LPP: variants seen among roughly 807,000 people sequenced by gnomAD.
The protein encoded by LPP is lipoma-preferred partner.
A neutral mutation model predicts 60.4 loss-of-function variants in LPP; 38 were observed. The observed-to-expected ratio is 0.63, with a 90% CI of 0.49 to 0.83. LPP has a LOEUF of 0.83. Among genes scored for constraint, LPP ranks in the 40% least tolerant of loss-of-function variants. LPP has a pLI of 0.00. For synonymous variants in LPP, 328 were observed against 290.8 expected, an observed-to-expected ratio of 1.13 and a Z score of -1.30; for missense variants, 902 against 783.6, an observed-to-expected ratio of 1.15 and a Z score of -1.80.
intron 5 of LPP, among the ~76,000 whole-genome samples, chr3:188,514,477 C>A (rs899323796): frequency 6.6e-6 from 1 of 151,254 alleles, no homozygotes; most frequent in Non-Finnish European, 1.5e-5. Context: ...ACTCTTGTTG[C>A]CCAGGCTGGA....
At chr3:188,783,569 G>A (rs561898159) in intron 9 of LPP, among the ~76,000 whole-genome samples, 5 of 151,656 alleles carry the variant, frequency 3.3e-5, no homozygotes, top group African/African-American at 1.2e-4. Flanking sequence ...TGGAGGGGGA[G>A]AGGAGGGAGA....
intron 4 of LPP, among the ~76,000 whole-genome samples, chr3:188,439,604 T>TGG (rs1793268681): frequency 1.3e-5 from 2 of 152,314 alleles, no homozygotes; most frequent in East Asian, 3.9e-4. Context: ...AGTCTATACT[T>TGG]CTTTTATACC....
chr3:188,373,704 T>G (rs1412625833), intron 3 of LPP, among the ~76,000 whole-genome samples: 3 of 152,180 alleles, frequency 2.0e-5, no homozygotes, highest in African/African-American at 7.2e-5. Context: ...AGAAGCTCTT[T>G]AGTTTATTTA....
chr3:188,479,017 G>T (rs1579213607), intron 4 of LPP, among the ~76,000 whole-genome samples: 1 of 152,114 alleles, frequency 6.6e-6, no homozygotes, highest in South Asian at 2.1e-4. Flanking sequence ...CTCCCAAAGT[G>T]CTGGGGTTAC....
intron 9 of LPP, among the ~76,000 whole-genome samples, chr3:188,807,780 A>G (rs1187214778): frequency 6.6e-6 from 1 of 152,076 alleles, no homozygotes; most frequent in Non-Finnish European, 1.5e-5. Context: ...TTTTCACTAG[A>G]GCCTTAAACA....
At chr3:188,872,511 G>C in intron 10 of LPP, 132 bp from the exon 11 acceptor site, 1 of 946,678 alleles carries the variant, frequency 1.1e-6, no homozygotes, top group South Asian at 1.5e-5. Flanking sequence ...CAGTCCCTGA[G>C]TCTAACTCCC....
At chr3:188,601,690 A>C (rs908946528) in intron 6 of LPP, among the ~76,000 whole-genome samples, 29 of 152,150 alleles carry the variant, frequency 1.9e-4, no homozygotes, top group African/African-American at 6.8e-4. Flanking sequence ...ATCTACAATA[A>C]CTTGCATTTA....
intron 3 of LPP, among the ~76,000 whole-genome samples, chr3:188,394,772 G>C (rs1356484636): frequency 1.3e-5 from 2 of 152,060 alleles, no homozygotes; most frequent in Non-Finnish European, 2.9e-5. Flanking sequence ...GAAACAGCCT[G>C]GTTCATTTTT....
At chr3:188,291,873 A>G (rs1746107902) in intron 2 of LPP, among the ~76,000 whole-genome samples, 1 of 152,166 alleles carries the variant, frequency 6.6e-6, no homozygotes, top group Non-Finnish European at 1.5e-5. Context: ...ATGCAAACCC[A>G]GAACATTTGA....
chr3:188,829,753 C>T (rs947370000), intron 9 of LPP, among the ~76,000 whole-genome samples: 9 of 152,136 alleles, frequency 5.9e-5, no homozygotes, highest in African/African-American at 2.2e-4. Flanking sequence ...GACCTGAGTC[C>T]TCACCCCAGC....
intron 9 of LPP, among the ~76,000 whole-genome samples, chr3:188,793,291 CCTGCCT>C (rs1744370479): frequency 1.3e-5 from 2 of 151,828 alleles, no homozygotes; most frequent in African/African-American, 2.4e-5. Flanking sequence ...AAGCGATTCT[CCTGCCT>C]CAGCCTCATT....
At chr3:188,159,714 C>A (rs113509083) in intron 1 of LPP, among the ~76,000 whole-genome samples, 11 of 152,268 alleles carry the variant, frequency 7.2e-5, no homozygotes, top group African/African-American at 2.6e-4. Flanking sequence ...TTGTTGCTGG[C>A]ACAGGTGGCA....
chr3:188,423,956 T>G (rs1409684474), intron 4 of LPP, among the ~76,000 whole-genome samples: 1 of 152,168 alleles, frequency 6.6e-6, no homozygotes, highest in African/African-American at 2.4e-5. Flanking sequence ...GCTCTTTAGT[T>G]TAATTAGATC....
At chr3:188,716,572 G>C (rs1373713588) in intron 8 of LPP, among the ~76,000 whole-genome samples, 2 of 152,316 alleles carry the variant, frequency 1.3e-5, no homozygotes, top group South Asian at 2.1e-4. Context: ...GGAAAACCTA[G>C]AGCCCTCATT....
chr3:188,823,496 A>G (rs891774547), intron 9 of LPP, among the ~76,000 whole-genome samples: 2 of 152,218 alleles, frequency 1.3e-5, no homozygotes, highest in Non-Finnish European at 2.9e-5. Flanking sequence ...AAAAAAACAA[A>G]CACAAAGTCT....
At chr3:188,774,758 T>A (rs1034914558) in intron 9 of LPP, among the ~76,000 whole-genome samples, 3 of 152,092 alleles carry the variant, frequency 2.0e-5, no homozygotes, top group Admixed American at 2.0e-4. Flanking sequence ...ATGGTGTGTG[T>A]GGGGAGGGAG....
intron 5 of LPP, among the ~76,000 whole-genome samples, chr3:188,504,997 G>T (rs1368253753): frequency 6.6e-6 from 1 of 152,196 alleles, no homozygotes; most frequent in Non-Finnish European, 1.5e-5. Flanking sequence ...TATGCAAGCT[G>T]CTTCAAGTAC....
intron 10 of LPP, among the ~76,000 whole-genome samples, chr3:188,872,001 G>A (rs1484208280): frequency 1.3e-5 from 2 of 152,128 alleles, no homozygotes; most frequent in South Asian, 2.1e-4. Flanking sequence ...GAATTTGATA[G>A]CTCTTTAACT....
At chr3:188,669,804 G>A (rs1461216574) in intron 7 of LPP, among the ~76,000 whole-genome samples, 5 of 152,246 alleles carry the variant, frequency 3.3e-5, no homozygotes, top group African/African-American at 4.8e-5. Context: ...ACATGCAGAC[G>A]TATGTTTACT....
Sources: gnomAD v4.1 joint callset for allele counts (sites outside exome capture counted in the v4.1 genomes callset) on GRCh38, gnomAD v4.1.1 for gene constraint, MANE v1.5 for transcripts, NCBI Gene and HGNC (gene_info 2026-07-23, HGNC 2026-07-21) for gene names.